The following RALGAPB variants were observed in gnomAD, a reference collection of about 807,000 sequenced individuals.
The protein encoded by RALGAPB is ral GTPase-activating protein subunit beta.
A neutral mutation model predicts 161.1 loss-of-function variants in RALGAPB; 25 were observed. That is an observed-to-expected ratio of 0.16 (90% confidence interval 0.11 to 0.22). The LOEUF (loss-of-function observed/expected upper bound fraction) is 0.22, where lower values mean the gene tolerates loss of function less well. Among genes scored for constraint, RALGAPB ranks in the 10% least tolerant of loss-of-function variants. The pLI, the probability that RALGAPB is intolerant of heterozygous loss-of-function variation, is 1.00. For missense variants in RALGAPB, 1,391 were observed against 1,815.2 expected (o/e 0.77, Z 4.25); for synonymous variants, 629 against 626.1 (o/e 1.00, Z -0.07).
At chr20:38,490,498 G>GCCC (rs2085248597) in intron 2 of RALGAPB, among the ~76,000 whole-genome samples, 1 of 149,726 alleles carries the variant, frequency 6.7e-6, no homozygotes, top group African/African-American at 2.5e-5. Context: ...GTGAGCCACC[G>GCCC]CGCCCGGCCT....
In RALGAPB at chr20:38,540,056, C is replaced by T. The variant is rs563504323; in HGVS notation, c.2562+98C>T. On this transcript the variant is annotated intron_variant, in intron 17 of 29. Transcript: ENST00000262879. ...ATATCTAAATTTAAATACAGTATTG[C>T]ACACTTTAAACTGAAAATACTTGTT... 8.1e-5 allele frequency: 86 copies of T among 1,062,416 alleles called. No individual in the cohort carries two copies. The African/African-American group carries it at 1.2e-3, about 15-fold the overall frequency. The allele number at this position is 1,062,416 out of a possible 1,614,324, so 65.8% of individuals were successfully genotyped here. A position where few individuals can be genotyped will look rare whatever the true frequency, so the allele number is the denominator to read the frequency against.
At chr20:38,517,424 A>T in intron 7 of RALGAPB, 82 bp from the exon 8 acceptor site, 1 of 1,391,128 alleles carries the variant, frequency 7.2e-7, no homozygotes, top group Non-Finnish European at 9.7e-7. Context: ...CCAAGCCTTC[A>T]CTAGGTTACT....
intron 6 of RALGAPB, among the ~76,000 whole-genome samples, chr20:38,511,352 A>G (rs888736915): frequency 7.0e-6 from 1 of 142,238 alleles, no homozygotes; most frequent in Non-Finnish European, 1.5e-5. Flanking sequence ...TTTAGTATTT[A>G]TTGATCATTC....
chr20:38,549,417 T>A (rs1219889877), intron 20 of RALGAPB, among the ~76,000 whole-genome samples: 1 of 151,470 alleles, frequency 6.6e-6, no homozygotes, highest in Admixed American at 6.6e-5. Context: ...TTTGTAGAGA[T>A]AGGGTCTTGC....
intron 1 of RALGAPB, among the ~76,000 whole-genome samples, chr20:38,483,278 A>T (rs1383380354): frequency 6.6e-6 from 1 of 152,248 alleles, no homozygotes; most frequent in African/African-American, 2.4e-5. Flanking sequence ...TTGCAGGTAG[A>T]GCTGGGATTT....
At chr20:38,546,675 G>A in intron 19 of RALGAPB, 1 of 473,086 alleles carries the variant, frequency 2.1e-6, no homozygotes, top group Non-Finnish European at 3.8e-6. Context: ...AAAAGGTGGT[G>A]TTTTAGTGGG....
rs1236849341 is a variant in RALGAPB at position 38,576,494 on chromosome 20, GTTT to G, written c.*1528_*1530del. On this transcript the variant is annotated 3_prime_UTR_variant, in exon 30 of 30. Coordinates refer to ENST00000262879, the MANE Select transcript of RALGAPB (RefSeq NM_020336.4). The stretch of plus-strand genomic sequence containing the variant: ...AGAAATATGGGCATAGCAGCTCTTG[GTTT>G]AAAGTTTGCCATAACCTGTTCATGT... The G allele has an allele frequency of 6.6e-6, 1 of 152,190 alleles. No individual in the cohort carries two copies. The highest frequency in any genetic ancestry group is 2.4e-5 in the African/African-American group (1 of 41,440). 9.4% of individuals were successfully genotyped at this position (152,190 alleles called of 1,614,324 possible).
At chr20:38,491,048 T>C (rs983375693) in intron 2 of RALGAPB, among the ~76,000 whole-genome samples, 27 of 152,246 alleles carry the variant, frequency 1.8e-4, no homozygotes, top group Non-Finnish European at 2.9e-5. Flanking sequence ...GAATCTCTTC[T>C]CTTATGTGGC....
Position 38,565,431 on chromosome 20 carries a change from C to A in RALGAPB, c.3770C>A (p.Ala1257Asp), listed in dbSNP as rs745610635. 3.1e-6 allele frequency: 5 copies of A among 1,613,350 alleles called. No individual in the cohort carries two copies. The Admixed American group carries it at 6.7e-5, about 22-fold the overall frequency. Residue 1257 changes from alanine (A) to aspartate (D), a missense_variant, in exon 25 of 30, where the codon GCC (alanine) becomes GAC (aspartate). Ala to Asp is a moderately radical substitution (Grantham distance 126). This residue lies in a region of RALGAPB where 436 missense variants were observed against 527.0 expected (regional missense o/e 0.83). Transcript: ENST00000262879. ...AAGAAGGTGCTGTATTATGCTGATG[C>A]CCTTACAGAAATTGCTTTTGTGGTT... is the stretch of plus-strand genomic sequence containing the variant. ...GQKKVLYYAD[A>D]LTEIAFVVPS...
At chr20:38,552,318 T>C (rs1490098315) in intron 21 of RALGAPB, among the ~76,000 whole-genome samples, 4 of 152,060 alleles carry the variant, frequency 2.6e-5, no homozygotes, top group Non-Finnish European at 5.9e-5. Flanking sequence ...TTTTTGTATT[T>C]TTAGTAGAGA....
At chr20:38,510,246 A>G (rs750417942) in intron 6 of RALGAPB, among the ~76,000 whole-genome samples, 6 of 152,014 alleles carry the variant, frequency 3.9e-5, no homozygotes, top group South Asian at 2.1e-4. Flanking sequence ...GACTTAAGCA[A>G]TCCACCCACT....
rs199578900 is a variant in RALGAPB, at chr20:38,569,670, C to CT, written c.3955-215dup. ...ATTCAGTATTCCTTCCTTTTTTTTT[C>CT]TTTGACAATTTTAAGCCTTGTCCTA... is the stretch of plus-strand genomic sequence containing the variant. On this transcript the variant is annotated intron_variant, in intron 26 of 29. Transcript: ENST00000262879. 3,032 of 442,518 alleles carry CT rather than the reference C, an allele frequency of 6.9e-3. 18 individuals carry two copies. Among genetic ancestry groups the CT allele is most frequent in the Non-Finnish European group, 9.8e-3 (2,415 of 245,298 alleles). 27.4% of individuals were successfully genotyped at this position (442,518 alleles called of 1,614,324 possible). A position where few individuals can be genotyped will look rare whatever the true frequency, so the allele number is the denominator to read the frequency against.
chr20:38,560,833 T>C (rs537987874), intron 23 of RALGAPB, among the ~76,000 whole-genome samples: 1 of 152,376 alleles, frequency 6.6e-6, no homozygotes, highest in South Asian at 2.1e-4. Context: ...TTAATTTCTG[T>C]CTGCCAGCAA....
intron 10 of RALGAPB, among the ~76,000 whole-genome samples, chr20:38,522,386 T>A (rs2086316448): frequency 1.3e-5 from 2 of 152,210 alleles, no homozygotes; most frequent in African/African-American, 4.8e-5. Flanking sequence ...TCTTCTTCTG[T>A]ATCTTTAGTT....
chr20:38,524,481 A>G (rs909581422), intron 10 of RALGAPB, among the ~76,000 whole-genome samples: 2 of 117,514 alleles, frequency 1.7e-5, no homozygotes, highest in African/African-American at 5.1e-5. Context: ...AGAAGGTGCA[A>G]CAGACATGAA....
In RALGAPB at chr20:38,517,997, A is replaced by T. The variant is rs1270501134; in HGVS notation, c.1414A>T (p.Thr472Ser). The T allele has an allele frequency of 1.9e-6, 3 of 1,599,106 alleles. No individual in the cohort carries two copies. Among genetic ancestry groups the T allele is most frequent in the Non-Finnish European group, 2.6e-6 (3 of 1,166,396 alleles). The change falls in exon 9 of 30, where the codon ACT becomes TCT. Residue 472 changes from threonine to serine, a missense_variant. Thr to Ser is a moderately conservative substitution (Grantham distance 58, BLOSUM62 1). Transcript: ENST00000262879. ...TGGGATAAACAGAGACAGCAGCATG[A>T]CTGGTAAATATTACTCAAGAAATAT... ...HNGINRDSSM[T>S]AITTQASMEF...
At chr20:38,480,418 G>A (rs1354089701) in intron 1 of RALGAPB, among the ~76,000 whole-genome samples, 1 of 127,866 alleles carries the variant, frequency 7.8e-6, no homozygotes, top group African/African-American at 3.3e-5. Flanking sequence ...ATGGAGTCTC[G>A]CTCTGTCACC....
At chr20:38,524,350 C>T (rs1462562467) in intron 10 of RALGAPB, among the ~76,000 whole-genome samples, 4 of 152,150 alleles carry the variant, frequency 2.6e-5, no homozygotes, top group Admixed American at 2.0e-4. Flanking sequence ...TTTTCTCTTA[C>T]GGAATTTAAC....
chr20:38,516,017 G>T (rs749790760), intron 6 of RALGAPB, among the ~76,000 whole-genome samples, 175 bp from the exon 7 acceptor site: 9 of 152,180 alleles, frequency 5.9e-5, no homozygotes, highest in Non-Finnish European at 1.2e-4. Context: ...TAACCACACT[G>T]CAGATCTTCT....
Sources: allele counts gnomAD v4.1 joint callset (sites outside exome capture counted in the v4.1 genomes callset), GRCh38; gene constraint gnomAD v4.1.1; regional missense constraint gnomAD v4.1.1; transcripts MANE v1.5; gene names NCBI Gene and HGNC (gene_info 2026-07-23, HGNC 2026-07-21).